The following GABRB1 variants were observed in gnomAD, a reference collection of about 807,000 sequenced individuals.
GABRB1 encodes gamma-aminobutyric acid type A receptor subunit beta1, also known as gamma-aminobutyric acid receptor subunit beta-1.
In GABRB1, 17 loss-of-function variants were observed where a neutral mutation model predicts 51.6. That is an observed-to-expected ratio of 0.33 (90% CI 0.23 to 0.49). The LOEUF (loss-of-function observed/expected upper bound fraction) is 0.49, where lower values mean the gene tolerates loss of function less well. GABRB1 is among the 20% of genes least tolerant of loss of function. The pLI is 0.99. For missense variants in GABRB1, 410 were observed against 600.6 expected (o/e 0.68, Z 3.32); for synonymous variants, 247 against 218.9 (o/e 1.13, Z -1.14).
chr4:47,228,638 G>A (rs1447505483), intron 4 of GABRB1, among the ~76,000 whole-genome samples: 1 of 152,032 alleles, frequency 6.6e-6, no homozygotes, highest in Non-Finnish European at 1.5e-5. Context: ...CAACATAGTT[G>A]CTACTTGTTA....
intron 3 of GABRB1, among the ~76,000 whole-genome samples, chr4:47,040,578 G>C (rs558693609): frequency 7.8e-4 from 119 of 152,236 alleles, no homozygotes; most frequent in African/African-American, 2.8e-3. Context: ...TTTCACTGCT[G>C]AAGTGGACAC....
At chr4:47,377,174 G>T (rs544777403) in intron 5 of GABRB1, among the ~76,000 whole-genome samples, 2 of 152,072 alleles carry the variant, frequency 1.3e-5, no homozygotes, top group Non-Finnish European at 2.9e-5. Context: ...ACGGAGTTTT[G>T]CTCTTGTTGC....
rs147556182 is a variant in GABRB1 at position 47,043,858 on chromosome 4, G to T, written c.240+11374G>T. Among the ~76,000 whole-genome samples, 775 of 152,168 alleles carry T rather than the reference G, an allele frequency of 5.1e-3. 3 individuals are homozygous for T. The highest frequency in any genetic ancestry group is 0.018 in the African/African-American group (728 of 41,534). On this transcript the variant is annotated intron_variant, in intron 3 of 8. Transcript: ENST00000295454. Reference sequence around the variant, plus strand: ...TGCAGAAATGTAGCTAACCTTGAGAGAGGAAAACATAATGCTAGTCTTCAG... The same window carrying T: ...TGCAGAAATGTAGCTAACCTTGAGATAGGAAAACATAATGCTAGTCTTCAG...
At chr4:47,292,605 G>A (rs1047291895) in intron 4 of GABRB1, among the ~76,000 whole-genome samples, 4 of 152,208 alleles carry the variant, frequency 2.6e-5, no homozygotes, top group African/African-American at 9.7e-5. Flanking sequence ...AATTTCCAGG[G>A]ACTTCCCATA....
chr4:47,172,044 T>C (rs921565935), intron 4 of GABRB1, among the ~76,000 whole-genome samples: 1 of 152,164 alleles, frequency 6.6e-6, no homozygotes, highest in Non-Finnish European at 1.5e-5. Flanking sequence ...GGTATGTCAT[T>C]TCTTATTTTC....
chr4:47,314,131 C>T (rs141361717), intron 4 of GABRB1, among the ~76,000 whole-genome samples: 4 of 151,736 alleles, frequency 2.6e-5, no homozygotes, highest in African/African-American at 9.7e-5. Flanking sequence ...GTAAATTGGC[C>T]GAGGTGATCG....
At chr4:47,155,008 A>C (rs1233670699) in intron 3 of GABRB1, among the ~76,000 whole-genome samples, 1 of 151,706 alleles carries the variant, frequency 6.6e-6, no homozygotes, top group Non-Finnish European at 1.5e-5. Flanking sequence ...CTGAGAAAGG[A>C]CTCTGATTGG....
intron 1 of GABRB1, among the ~76,000 whole-genome samples, chr4:47,011,441 G>C (rs992878832): frequency 1.3e-5 from 2 of 152,040 alleles, no homozygotes; most frequent in African/African-American, 4.8e-5. Context: ...TGCTTGCTTG[G>C]GGCCAAAAAC....
At chr4:47,165,595 C>T (rs1199227166) in intron 4 of GABRB1, among the ~76,000 whole-genome samples, 1 of 152,086 alleles carries the variant, frequency 6.6e-6, no homozygotes, top group African/African-American at 2.4e-5. Flanking sequence ...TTAAATTATT[C>T]TTGTTCTTCT....
rs568990128 is a variant in GABRB1, at chr4:47,249,640, A to G, written c.462-70487A>G. On this transcript the variant is annotated intron_variant, in intron 4 of 8. Transcript: ENST00000295454. ...AGGTGCATATATGTTTAGGATTGTG[A>G]TATTTTCCTGTTGGACAAGGAATTT... 2.0e-5 allele frequency among the ~76,000 whole-genome samples: 3 copies of G among 152,194 alleles called. No homozygotes were observed. In the East Asian group the frequency reaches 5.8e-4, roughly 29 times the overall value.
intron 5 of GABRB1, among the ~76,000 whole-genome samples, chr4:47,377,984 G>A (rs1237307874): frequency 2.6e-5 from 4 of 152,254 alleles, no homozygotes; most frequent in African/African-American, 2.4e-5. Context: ...GCTTCATCCA[G>A]TGGATCTCGC....
chr4:47,129,620 C>A (rs941083564), intron 3 of GABRB1, among the ~76,000 whole-genome samples: 2 of 152,038 alleles, frequency 1.3e-5, no homozygotes, highest in Non-Finnish European at 1.5e-5. Context: ...TAATTAATGG[C>A]CATAAACTAT....
At chr4:47,266,900 G>A (rs1722661493) in intron 4 of GABRB1, among the ~76,000 whole-genome samples, 1 of 151,544 alleles carries the variant, frequency 6.6e-6, no homozygotes, top group African/African-American at 2.4e-5. Context: ...CACTCTTACT[G>A]TATTGCTGTA....
At chr4:47,058,468 C>T (rs1397965207) in intron 3 of GABRB1, among the ~76,000 whole-genome samples, 1 of 152,154 alleles carries the variant, frequency 6.6e-6, no homozygotes, top group Non-Finnish European at 1.5e-5. Context: ...AAGCCTTGAA[C>T]AAGGTAGGGC....
At chr4:47,007,665 C>G (rs1283005002) in intron 1 of GABRB1, among the ~76,000 whole-genome samples, 1 of 151,734 alleles carries the variant, frequency 6.6e-6, no homozygotes, top group East Asian at 1.9e-4. Context: ...GAAATTGTAC[C>G]AAGAATGTTC....
chr4:47,272,034 G>A (rs1483821117), intron 4 of GABRB1, among the ~76,000 whole-genome samples: 4 of 152,020 alleles, frequency 2.6e-5, no homozygotes, highest in Admixed American at 6.6e-5. Flanking sequence ...TAATCCAAAC[G>A]ACTCCATGTA....
At chr4:47,001,290 C>A (rs375542315) in intron 1 of GABRB1, among the ~76,000 whole-genome samples, 105 of 151,944 alleles carry the variant, frequency 6.9e-4, no homozygotes, top group East Asian at 2.1e-3. Flanking sequence ...CTACAGGCGC[C>A]CCCCACCACG....
chr4:47,216,005 C>T (rs879622750), intron 4 of GABRB1, among the ~76,000 whole-genome samples: 3 of 151,798 alleles, frequency 2.0e-5, no homozygotes, highest in Non-Finnish European at 4.4e-5. Flanking sequence ...GGCTAGTGGG[C>T]CTGTTAGTGA....
intron 4 of GABRB1, among the ~76,000 whole-genome samples, chr4:47,196,440 G>T (rs1290004608): frequency 6.6e-6 from 1 of 152,188 alleles, no homozygotes; most frequent in Non-Finnish European, 1.5e-5. Flanking sequence ...AATCTTCAAT[G>T]CTGCCACAGG....
Sources: allele counts gnomAD v4.1 joint callset (sites outside exome capture counted in the v4.1 genomes callset), GRCh38; gene constraint gnomAD v4.1.1; transcripts MANE v1.5; gene names NCBI Gene and HGNC (gene_info 2026-07-23, HGNC 2026-07-21).